The following THSD4 variants were observed in gnomAD, a reference collection of about 807,000 sequenced individuals.
THSD4 encodes thrombospondin type 1 domain containing 4.
Under a neutral mutation model 119.0 loss-of-function variants are expected in THSD4, and 69 were observed. That is an observed-to-expected ratio of 0.58 (90% CI 0.48 to 0.71). The LOEUF is 0.71. THSD4 is among the 30% of genes least tolerant of loss of function. The probability of loss-of-function intolerance (pLI) is 0.00; values close to 1 mark genes in which losing one functional copy is unlikely to be tolerated. For missense variants in THSD4, 1,393 were observed against 1,391.1 expected (o/e 1.00, Z -0.02); for synonymous variants, 524 against 540.4 (o/e 0.97, Z 0.42).
intron 4 of THSD4, among the ~76,000 whole-genome samples, chr15:71,239,130 G>A (rs553792878): frequency 6.6e-6 from 1 of 152,324 alleles, no homozygotes; most frequent in African/African-American, 2.4e-5. Context: ...TCTGTGTGAA[G>A]CATTAGGTCA....
chr15:71,576,037 T>A (rs1311370041), intron 7 of THSD4, among the ~76,000 whole-genome samples: 1 of 152,162 alleles, frequency 6.6e-6, no homozygotes, highest in East Asian at 1.9e-4. Flanking sequence ...TTATGTCCTC[T>A]GCAGTTTTTT....
intron 6 of THSD4, among the ~76,000 whole-genome samples, chr15:71,410,498 T>C (rs1406595165): frequency 1.3e-5 from 2 of 152,064 alleles, no homozygotes; most frequent in Non-Finnish European, 2.9e-5. Flanking sequence ...GAGTGCTTAG[T>C]TGTGTGTAGA....
upstream of THSD4, chr15:71,110,600 C>G (rs1037836762): frequency 6.5e-6 from 1 of 154,894 alleles, no homozygotes; most frequent in African/African-American, 2.4e-5. Flanking sequence ...CCTGGGAACA[C>G]TGGGCCTCCC....
intron 6 of THSD4, among the ~76,000 whole-genome samples, chr15:71,298,188 G>C (rs1052085881): frequency 6.6e-6 from 1 of 152,118 alleles, no homozygotes; most frequent in Non-Finnish European, 1.5e-5. Context: ...AGCATGATTT[G>C]TTGAAGGGAC....
intron 7 of THSD4, among the ~76,000 whole-genome samples, chr15:71,446,629 G>C (rs1230134219): frequency 6.6e-6 from 1 of 152,160 alleles, no homozygotes; most frequent in African/African-American, 2.4e-5. Flanking sequence ...TAAACACTAA[G>C]AGTTTAAGCA....
chr15:71,662,481 A>T (rs1233933686), intron 8 of THSD4, among the ~76,000 whole-genome samples: 6 of 152,318 alleles, frequency 3.9e-5, no homozygotes, highest in African/African-American at 1.4e-4. Context: ...CTCCATAAAC[A>T]TCCTGCCTCC....
intron 7 of THSD4, among the ~76,000 whole-genome samples, chr15:71,522,008 A>G (rs1446145650): frequency 6.6e-6 from 1 of 152,200 alleles, no homozygotes; most frequent in African/African-American, 2.4e-5. Flanking sequence ...TTAGAGCCCT[A>G]ATGTCTTGAA....
intron 6 of THSD4, among the ~76,000 whole-genome samples, chr15:71,399,037 A>G (rs1436441225): frequency 6.6e-6 from 1 of 152,092 alleles, no homozygotes; most frequent in Non-Finnish European, 1.5e-5. Context: ...GGTATGCCCC[A>G]GTGGTGCCAT....
intron 6 of THSD4, among the ~76,000 whole-genome samples, chr15:71,363,672 A>C (rs1299606093): frequency 1.3e-5 from 2 of 152,222 alleles, no homozygotes; most frequent in Non-Finnish European, 2.9e-5. Flanking sequence ...ATGATGTTAC[A>C]ACTGGTTCAA....
At chr15:71,517,430 T>C (rs1345903796) in intron 7 of THSD4, among the ~76,000 whole-genome samples, 2 of 152,222 alleles carry the variant, frequency 1.3e-5, no homozygotes, top group Non-Finnish European at 2.9e-5. Context: ...CTCAGTCCTT[T>C]CTCTCCCTTT....
chr15:71,339,663 T>C (rs754819963), intron 6 of THSD4, among the ~76,000 whole-genome samples: 5 of 152,192 alleles, frequency 3.3e-5, no homozygotes, highest in Non-Finnish European at 5.9e-5. Flanking sequence ...GTGCCTCAGT[T>C]TCCTAATCTC....
intron 7 of THSD4, among the ~76,000 whole-genome samples, chr15:71,540,765 C>T (rs2140837274): frequency 7.3e-6 from 1 of 136,808 alleles, no homozygotes; most frequent in African/African-American, 2.7e-5. Context: ...CTCTGTCACC[C>T]AGGCTGGAGT....
chr15:71,571,640 C>G (rs1351530267), intron 7 of THSD4, among the ~76,000 whole-genome samples: 2 of 152,098 alleles, frequency 1.3e-5, no homozygotes, highest in African/African-American at 4.8e-5. Flanking sequence ...ACAGGATTCT[C>G]CTCTGAGCCC....
At chr15:71,574,081 C>G (rs1315618151) in intron 7 of THSD4, among the ~76,000 whole-genome samples, 1 of 152,218 alleles carries the variant, frequency 6.6e-6, no homozygotes, top group Non-Finnish European at 1.5e-5. Context: ...TAGCTCACTA[C>G]TGTATCGCAG....
chr15:71,661,781 A>G (rs550216247), intron 8 of THSD4, among the ~76,000 whole-genome samples: 2 of 152,328 alleles, frequency 1.3e-5, no homozygotes, highest in South Asian at 4.1e-4. Context: ...TTGTTTAATG[A>G]ATAGCTATAT....
chr15:71,777,549 C>A lies in THSD4; in HGVS notation c.*175C>A. 1.2e-6 allele frequency: 1 copy of A among 824,320 alleles called. No individual in the cohort carries two copies. Among genetic ancestry groups the A allele is most frequent in the Non-Finnish European group, 1.8e-6 (1 of 540,986 alleles). 51.1% of individuals were successfully genotyped at this position (824,320 alleles called of 1,614,324 possible). A position where few individuals can be genotyped will look rare whatever the true frequency, so the allele number is the denominator to read the frequency against. On this transcript the variant is annotated 3_prime_UTR_variant, in exon 18 of 18. Coordinates refer to ENST00000261862, the MANE Select transcript of THSD4 (RefSeq NM_024817.3). ...CCGTGGTACCCAGGGGCTTTTTACA[C>A]AAGATGTTTGAAAGCCACAGTCAGT... is the stretch of plus-strand genomic sequence containing the variant.
intron 6 of THSD4, among the ~76,000 whole-genome samples, chr15:71,274,547 G>A (rs1226834513): frequency 6.6e-6 from 1 of 152,122 alleles, no homozygotes; most frequent in Non-Finnish European, 1.5e-5. Flanking sequence ...TATAATCCTG[G>A]TTGCTGGTCT....
intron 7 of THSD4, chr15:71,547,472 T>C: frequency 6.5e-7 from 1 of 1,550,342 alleles, no homozygotes; most frequent in Non-Finnish European, 8.7e-7. Flanking sequence ...TAGCAAGACC[T>C]GGGGGAGAGG....
chr15:71,684,070 A>G (rs1260609445), intron 8 of THSD4, among the ~76,000 whole-genome samples: 3 of 152,320 alleles, frequency 2.0e-5, no homozygotes, highest in Non-Finnish European at 2.9e-5. Flanking sequence ...TATTTTCCAT[A>G]TAAATTCTCT....
Sources: allele counts gnomAD v4.1 joint callset (sites outside exome capture counted in the v4.1 genomes callset), GRCh38; gene constraint gnomAD v4.1.1; transcripts MANE v1.5; gene names NCBI Gene and HGNC (gene_info 2026-07-23, HGNC 2026-07-21).